The following CRAT variants were observed in gnomAD, a reference collection of about 807,000 sequenced individuals.
CRAT encodes carnitine acetylase.
Under a neutral mutation model 73.7 loss-of-function variants are expected in CRAT, and 66 were observed. The observed-to-expected ratio is 0.90, with a 90% CI of 0.73 to 1.10. The LOEUF (loss-of-function observed/expected upper bound fraction) is 1.10. Ranked by LOEUF, CRAT falls within the 50% of genes least tolerant of loss-of-function variation. CRAT has a pLI of 0.00. For synonymous variants in CRAT, 321 were observed against 343.2 expected (o/e 0.94, Z 0.71); for missense variants, 745 against 846.9 (o/e 0.88, Z 1.49).
Position 129,106,586 on chromosome 9 carries a change from A to C in CRAT, c.291+1228T>G, listed in dbSNP as rs1385704869. ...GAGTCCCAGGCTAAATGAAGTCGGA[A>C]AACCACCAGCCCCCAGACGCTCTAA... On this transcript the variant is annotated intron_variant, in intron 2 of 13. Coordinates refer to ENST00000318080, the MANE Select transcript of CRAT (RefSeq NM_000755.5). This position sits in a 1 kb window ranked among gnomAD's most constrained non-coding sequence, Gnocchi z 4.0. 1.3e-5 allele frequency among the ~76,000 whole-genome samples: 2 copies of C among 151,948 alleles called. No individual in the cohort carries two copies. Among genetic ancestry groups the C allele is most frequent in the Non-Finnish European group, 2.9e-5 (2 of 67,960 alleles).
chr9:129,107,778 C>T lies in CRAT; in HGVS notation c.291+36G>A. On this transcript the variant is annotated intron_variant, in intron 2 of 13. Transcript: ENST00000318080. This position sits in a 1 kb window ranked among gnomAD's most constrained non-coding sequence, Gnocchi z 5.0. ...GCACTGGAGAACTGTGCATGTGCAG[C>T]CAGCAGCAGGTCACAGTGAGGATGC... 1 of 1,613,068 alleles carries T rather than the reference C, an allele frequency of 6.2e-7. No homozygotes were observed. The highest frequency in any genetic ancestry group is 1.1e-5 in the South Asian group (1 of 91,082).
intron 1 of CRAT, 149 bp from the exon 2 acceptor site, chr9:129,108,226 G>A (rs1848144018): frequency 8.7e-7 from 1 of 1,152,488 alleles, no homozygotes; most frequent in Non-Finnish European, 1.2e-6. Context: ...CAGCCCTAGA[G>A]CTCTAGGTGT....
chr9:129,107,730 G>A lies in CRAT; in HGVS notation c.291+84C>T, dbSNP rs766296671. ...GCTCACGAAACTCTGGGCAGCAAAC[G>A]AACGGCCGTGCCAGAGCAGTGGGCA... is the stretch of plus-strand genomic sequence containing the variant. On this transcript the variant is annotated intron_variant, in intron 2 of 13. Transcript: ENST00000318080. The surrounding 1 kb of genome is among the most constrained non-coding windows in gnomAD (Gnocchi z 5.0). 4.4e-6 allele frequency: 7 copies of A among 1,599,850 alleles called. No homozygotes were observed. The highest frequency in any genetic ancestry group is 1.3e-5 in the African/African-American group (1 of 74,488).
chr9:129,108,590 G>A, intron 1 of CRAT: 4 of 1,067,910 alleles, frequency 3.7e-6, no homozygotes, highest in Non-Finnish European at 4.8e-6. Context: ...AGATGGGGCA[G>A]GGGTGGGGTG....
chr9:129,101,371 G>A (rs934547721), intron 6 of CRAT, among the ~76,000 whole-genome samples: 10 of 152,188 alleles, frequency 6.6e-5, no homozygotes, highest in Non-Finnish European at 1.5e-5. Flanking sequence ...GGCCACGGAG[G>A]AGGAAAGCCT....
At chr9:129,097,059 C>G (rs1451781082) in intron 12 of CRAT, among the ~76,000 whole-genome samples, 191 bp downstream of exon 12, 4 of 145,914 alleles carry the variant, frequency 2.7e-5, no homozygotes, top group Non-Finnish European at 4.4e-5. Flanking sequence ...CAGAGCAAGA[C>G]TCCATCTCAA....
intron 1 of CRAT, chr9:129,108,570 C>T (rs1397717342): frequency 9.1e-6 from 10 of 1,098,966 alleles, no homozygotes; most frequent in Middle Eastern, 8.3e-4. Flanking sequence ...TGGGCTTCCT[C>T]CTGCCTTTGA....
Position 129,110,002 on chromosome 9 carries a change from C to T in CRAT, c.27+481G>A, listed in dbSNP as rs1848307266. 6.6e-6 allele frequency among the ~76,000 whole-genome samples: 1 copy of T among 152,142 alleles called. No homozygotes were observed. The highest frequency in any genetic ancestry group is 2.1e-4 in the South Asian group (1 of 4,834). On this transcript the variant is annotated intron_variant, in intron 1 of 13. Transcript: ENST00000318080. This position sits in a 1 kb window ranked among gnomAD's most constrained non-coding sequence, Gnocchi z 5.3. ...GCCACCTGCCAGTTCTGAGGCCTTT[C>T]TAGCTTGATGCCTCCGCGTGTTTCT...
chr9:129,109,258 C>T (rs928102628), intron 1 of CRAT: 6 of 1,304,182 alleles, frequency 4.6e-6, no homozygotes, highest in Middle Eastern at 2.1e-4. Flanking sequence ...TGAGGTTACA[C>T]CACAGCCCTG....
At chr9:129,097,335 G>T in intron 11 of CRAT, 23 bp from the exon 12 acceptor site, 1 of 1,550,182 alleles carries the variant, frequency 6.5e-7, no homozygotes, top group Non-Finnish European at 8.7e-7. Context: ...GGGTCAGAGG[G>T]AGCTGAAGCA....
At position 129,102,527 on chromosome 9, in the gene CRAT, A is replaced by T; in HGVS notation, c.503T>A (p.Leu168Gln). 6.2e-7 allele frequency: 1 copy of T among 1,614,094 alleles called. No homozygotes were observed. Among genetic ancestry groups the T allele is most frequent in the Non-Finnish European group, 8.5e-7 (1 of 1,179,992 alleles). The change falls in exon 5 of 14, where the codon CTG (leucine) becomes CAG (glutamine). Residue 168 changes from leucine to glutamine, a missense_variant. Coordinates refer to ENST00000318080, the MANE Select transcript of CRAT (RefSeq NM_000755.5). ...LPVEYLGGKP[L>Q]CMNQYYQILS... is the part of the protein sequence containing the mutation. ...GATCTGATAGTACTGGTTCATGCAC[A>T]GTGGCTTCCCCCCCAGGTACTCCAC...
Position 129,104,257 on chromosome 9 carries a change from A to T in CRAT, c.341T>A (p.Val114Glu). The T allele has an allele frequency of 6.2e-7, 1 of 1,613,688 alleles. No homozygotes were observed. Among genetic ancestry groups the T allele is most frequent in the Non-Finnish European group, 8.5e-7 (1 of 1,179,830 alleles). ...KTAYLQYRQP[V>E]VIYSSPGVML... ...CACGCCTGGGCTCGAGTAGATGACC[A>T]CAGGCTGGCGGTACTGGAGGTAGGC... The change falls in exon 3 of 14, where the codon GTG (valine) becomes GAG (glutamate). Residue 114 changes from valine (V) to glutamate (E), a missense_variant. By Grantham distance (121) the Val-to-Glu change is moderately radical (BLOSUM62 -2). Transcript: ENST00000318080.
In CRAT at chr9:129,098,315, A is replaced by T. The variant is rs1564158658; in HGVS notation, c.1262T>A (p.Phe421Tyr). The change falls in exon 10 of 14, where the codon TTC becomes TAC. Residue 421 changes from phenylalanine (F) to tyrosine (Y), a missense_variant. Physicochemically the swap from Phe to Tyr is conservative, Grantham distance 22. Transcript: ENST00000318080. ...VMVFHHFGKD[F>Y]PKSEKLSPDA... is the part of the protein sequence containing the mutation. ...TGGGCTTAGCTTCTCCGACTTGGGG[A>T]AGTCTTTTCCAAAATGGTGGAACAC... The T allele has an allele frequency of 6.2e-7, 1 of 1,613,848 alleles. No homozygotes were observed.
Position 129,098,345 on chromosome 9 carries a change from A to G in CRAT, c.1232T>C (p.Val411Ala), listed in dbSNP as rs771187276. Reference sequence around the variant, plus strand: ...TTTTCCAAAATGGTGGAACACCATCACGGTGATATCCAGGTCCTGGATCAT... The same window carrying G: ...TTTTCCAAAATGGTGGAACACCATCGCGGTGATATCCAGGTCCTGGATCAT... ...SIMIQDLDIT[V>A]MVFHHFGKDF... The change falls in exon 10 of 14, where the codon GTG (valine) becomes GCG (alanine). Residue 411 changes from valine to alanine, a missense_variant. Transcript: ENST00000318080. 9 of 1,613,948 alleles carry G rather than the reference A, an allele frequency of 5.6e-6. No individual in the cohort carries two copies. The South Asian group carries it at 7.7e-5, about 14-fold the overall frequency.
intron 8 of CRAT, among the ~76,000 whole-genome samples, chr9:129,099,332 C>G (rs779685134): frequency 6.6e-6 from 1 of 151,906 alleles, no homozygotes; most frequent in Non-Finnish European, 1.5e-5. Context: ...CAGGGTTTCA[C>G]CATGTTGGCC....
chr9:129,104,608 CTT>C (rs11314279), intron 2 of CRAT, among the ~76,000 whole-genome samples: 487 of 143,962 alleles, frequency 3.4e-3, no homozygotes, highest in Non-Finnish European at 3.4e-3. Flanking sequence ...TGAACGAATT[CTT>C]TTTTTTTTTT....
intron 2 of CRAT, among the ~76,000 whole-genome samples, chr9:129,105,569 G>T (rs1485451983): frequency 6.6e-6 from 1 of 151,956 alleles, no homozygotes; most frequent in Admixed American, 6.6e-5. Context: ...TGATCCACCT[G>T]CCTCAGCTTC....
intron 1 of CRAT, chr9:129,108,729 T>C (rs1564172250): frequency 7.7e-7 from 1 of 1,303,844 alleles, no homozygotes; most frequent in African/African-American, 1.5e-5. Flanking sequence ...GCTCTTGCAG[T>C]GGGCAGGCGA....
At position 129,098,384 on chromosome 9, in the gene CRAT, G is replaced by T; in HGVS notation, c.1206-13C>A. The T allele has an allele frequency of 6.2e-7, 1 of 1,613,048 alleles. No homozygotes were observed. On this transcript the variant is annotated splice_polypyrimidine_tract_variant and intron_variant, in intron 9 of 13. Transcript: ENST00000318080. ...GTCCTGGATCATGCTGGGGGTGTGG[G>T]AAGAGCAGGTGAGGAGCAGGCCCCG...
Sources: gnomAD v4.1 joint callset for allele counts (sites outside exome capture counted in the v4.1 genomes callset) on GRCh38, gnomAD v4.1.1 for gene constraint, Gnocchi (gnomAD v3.1) non-coding constraint, MANE v1.5 for transcripts, NCBI Gene and HGNC (gene_info 2026-07-23, HGNC 2026-07-21) for gene names.